The following OTOG variants were observed in gnomAD, a reference collection of about 807,000 sequenced individuals.
OTOG encodes otogelin.
OTOG carries 296 observed loss-of-function variants against 313.8 expected under a neutral mutation model. That is an observed-to-expected ratio of 0.94 (90% CI 0.86 to 1.04). The LOEUF (loss-of-function observed/expected upper bound fraction) is 1.04. Ranked by LOEUF, OTOG falls within the 50% of genes least tolerant of loss-of-function variation. The pLI is 0.00. For synonymous variants in OTOG, 1,533 were observed against 1,554.9 expected (o/e 0.99, Z 0.33); for missense variants, 3,948 against 3,840.1 (o/e 1.03, Z -0.74).
intron 15 of OTOG, among the ~76,000 whole-genome samples, chr11:17,567,893 CT>C: frequency 6.6e-6 from 1 of 150,952 alleles, no homozygotes; most frequent in East Asian, 2.0e-4. Flanking sequence ...GTTAGTAACA[CT>C]TTCTTTTCTT....
At chr11:17,567,448 A>C (rs1040337996) in intron 15 of OTOG, among the ~76,000 whole-genome samples, 6 of 152,240 alleles carry the variant, frequency 3.9e-5, no homozygotes, top group Non-Finnish European at 8.8e-5. Flanking sequence ...AAGTCTAAAA[A>C]TATTTCAAGG....
intron 15 of OTOG, among the ~76,000 whole-genome samples, chr11:17,566,493 T>C (rs1054107102): frequency 6.6e-6 from 1 of 152,170 alleles, no homozygotes; most frequent in African/African-American, 2.4e-5. Context: ...AGTATAAATA[T>C]TTCTCTATAA....
At position 17,555,802 on chromosome 11, in the gene OTOG, C is replaced by T. The variant is rs1355238102; in HGVS notation, c.564C>T (p.Gly188=). 3 of 1,550,536 alleles carry T rather than the reference C, an allele frequency of 1.9e-6. No homozygotes were observed. Among genetic ancestry groups the T allele is most frequent in the Admixed American group, 3.9e-5 (2 of 50,994 alleles). Reference sequence around the variant, plus strand: ...AGGTACACAATGACCCGCAGTGTGGCTCTTCACCCTACACCTGCTCCAGGG... The same window carrying T: ...AGGTACACAATGACCCGCAGTGTGGTTCTTCACCCTACACCTGCTCCAGGG... The part of the protein sequence containing the change: ...SIQVHNDPQC[G]SSPYTCSRAV... The change falls in exon 7 of 56, where the codon GGC becomes GGT. Residue 188 remains glycine (G), a synonymous_variant. Coordinates refer to ENST00000399397, the MANE Select transcript of OTOG (RefSeq NM_001292063.2).
rs1375072636 is a variant in OTOG at position 17,555,886 on chromosome 11, T to C, written c.648T>C (p.His216=). 4.5e-6 allele frequency: 7 copies of C among 1,550,746 alleles called. No individual in the cohort carries two copies. The highest frequency in any genetic ancestry group is 5.2e-6 in the Non-Finnish European group (6 of 1,146,852). The change falls in exon 7 of 56, where the codon CAT becomes CAC. Residue 216 remains histidine (H), a synonymous_variant. Coordinates refer to ENST00000399397, the MANE Select transcript of OTOG (RefSeq NM_001292063.2). ...TCCATCTGGCCAAGGAGGTCACCCA[T>C]GGAGGCATGAGGTAACTCTAACACC... The part of the protein sequence containing the change: ...QEIHLAKEVT[H]GGMRVQLPHV...
chr11:17,633,065 C>T lies in OTOG; in HGVS notation c.7073-615C>T, dbSNP rs577334178. ...TTTTATATAGAAGCGATTTTCAATC[C>T]TAAATACCCTTTGAAATCACTCAGA... On this transcript the variant is annotated intron_variant, in intron 42 of 55. Transcript: ENST00000399397. Among the ~76,000 whole-genome samples the T allele has an allele frequency of 1.1e-3, 168 of 152,264 alleles. 1 individual carries two copies. The highest frequency in any genetic ancestry group is 3.7e-3 in the African/African-American group (153 of 41,554).
In OTOG at chr11:17,591,459, G is replaced by A. The variant is rs1171698776; in HGVS notation, c.2877G>A (p.Gln959=). The A allele has an allele frequency of 3.2e-6, 5 of 1,550,748 alleles. No homozygotes were observed. Among genetic ancestry groups the A allele is most frequent in the Non-Finnish European group, 4.4e-6 (5 of 1,147,038 alleles). Residue 959 remains glutamine (Q), a synonymous_variant, in exon 25 of 56, where the codon CAG becomes CAA. Coordinates refer to ENST00000399397, the MANE Select transcript of OTOG (RefSeq NM_001292063.2). ...VMSPCHTCVC[Q]RGSFQCTLHP... ...GGCATGTGTTTTTCAGTGTGTGCCAGCGGGGCTCATTCCAGTGCACCCTGC... is the reference window on the plus strand; with the variant it reads ...GGCATGTGTTTTTCAGTGTGTGCCAACGGGGCTCATTCCAGTGCACCCTGC...
At chr11:17,643,542 C>T (rs1423764033) in intron 54 of OTOG, 36 bp downstream of exon 54, 3 of 1,354,716 alleles carry the variant, frequency 2.2e-6, no homozygotes, top group Non-Finnish European at 2.9e-6. Flanking sequence ...GGGTGGGGGG[C>T]TCTGATGGGG....
At chr11:17,617,627 A>G (rs1219726650) in intron 39 of OTOG, among the ~76,000 whole-genome samples, 2 of 152,248 alleles carry the variant, frequency 1.3e-5, no homozygotes, top group Non-Finnish European at 1.5e-5. Flanking sequence ...TATACTTTTA[A>G]TTTCTGTAGG....
chr11:17,570,242 G>C lies in OTOG; in HGVS notation c.1807G>C (p.Val603Leu), dbSNP rs1444071992. The C allele has an allele frequency of 2.6e-6, 4 of 1,550,846 alleles. No homozygotes were observed. Among genetic ancestry groups the C allele is most frequent in the Middle Eastern group, 1.7e-4 (1 of 5,996 alleles). The change falls in exon 17 of 56, where the codon GTG becomes CTG. Residue 603 changes from valine (V) to leucine (L), a missense_variant. By Grantham distance (32) the Val-to-Leu change is conservative. Coordinates refer to ENST00000399397, the MANE Select transcript of OTOG (RefSeq NM_001292063.2). ...DAFEIRRLSS[V>L]FLRVRTNVGV... Reference sequence around the variant, plus strand: ...CTTTGAGATCCGTAGGCTGTCCTCCGTGTTCCTGCGGGTGAGGACGAACGT... The same window carrying C: ...CTTTGAGATCCGTAGGCTGTCCTCCCTGTTCCTGCGGGTGAGGACGAACGT...
intron 17 of OTOG, chr11:17,570,730 T>C (rs1293113042): frequency 5.0e-6 from 1 of 199,960 alleles, no homozygotes; most frequent in Admixed American, 5.5e-5. Context: ...AATGCTGTTT[T>C]AGAATGAGGT....
chr11:17,568,756 A>G (rs1377065948), intron 15 of OTOG, among the ~76,000 whole-genome samples: 1 of 152,180 alleles, frequency 6.6e-6, no homozygotes, highest in Non-Finnish European at 1.5e-5. Flanking sequence ...AGTGGAGTGC[A>G]GGATGTGAAC....
In OTOG at chr11:17,561,150, C is replaced by G; in HGVS notation, c.1498+13C>G. The G allele has an allele frequency of 6.4e-7, 1 of 1,550,518 alleles. No individual in the cohort carries two copies. The highest frequency in any genetic ancestry group is 8.7e-7 in the Non-Finnish European group (1 of 1,146,950). On this transcript the variant is annotated intron_variant, in intron 14 of 55. Coordinates refer to ENST00000399397, the MANE Select transcript of OTOG (RefSeq NM_001292063.2). ...GCTGTCTGCCCAGGTATGTCTGCCC[C>G]CCACCTTGCACTAGGATCCCTTCTA... is the stretch of plus-strand genomic sequence containing the variant.
At chr11:17,637,974 C>G (rs1185321750) in intron 47 of OTOG, among the ~76,000 whole-genome samples, 1 of 152,190 alleles carries the variant, frequency 6.6e-6, no homozygotes, top group Non-Finnish European at 1.5e-5. Context: ...CTGAGGAATC[C>G]TGAACTGAGA....
rs1203478771 is a variant in OTOG, at chr11:17,560,720, G to A, written c.1354G>A (p.Glu452Lys). 1.5e-5 allele frequency: 24 copies of A among 1,550,404 alleles called. No homozygotes were observed. The highest frequency in any genetic ancestry group is 2.0e-5 in the Non-Finnish European group (23 of 1,146,920). ...TGCTGTCACTCTAGGGCTCATCTTCGAGGATGGGGGCTGCGTGGCACCAGC... is the reference window on the plus strand; with the variant it reads ...TGCTGTCACTCTAGGGCTCATCTTCAAGGATGGGGGCTGCGTGGCACCAGC... ...GCYCPNGLIF[E>K]DGGCVAPAEC... The change falls in exon 13 of 56, where the codon GAG (glutamate) becomes AAG (lysine). Residue 452 changes from glutamate (E) to lysine (K), a missense_variant. Glu to Lys is a moderately conservative substitution (Grantham distance 56). Coordinates refer to ENST00000399397, the MANE Select transcript of OTOG (RefSeq NM_001292063.2).
At chr11:17,580,137 A>G (rs1012207011) in intron 23 of OTOG, among the ~76,000 whole-genome samples, 1 of 152,304 alleles carries the variant, frequency 6.6e-6, no homozygotes, top group East Asian at 1.9e-4. Flanking sequence ...GCCCTTCTCA[A>G]TGATGTATCT....
intron 19 of OTOG, 67 bp from the exon 20 acceptor site, chr11:17,574,653 C>T (rs561844616): frequency 3.5e-6 from 5 of 1,412,594 alleles, no homozygotes; most frequent in African/African-American, 1.4e-5. Context: ...ATCAGAATGA[C>T]AGCCCCACTC....
intron 3 of OTOG, among the ~76,000 whole-genome samples, chr11:17,548,418 CTTTTTTTTTTTTTTT>C (rs56402246): frequency 0.013 from 1,111 of 87,518 alleles, 14 homozygotes; most frequent in Non-Finnish European, 0.017. Context: ...ATAGTCCACT[CTTTTTTTTTTTTTTT>C]TTTTTTTTTT....
At chr11:17,640,560 T>A (rs114209936) in intron 49 of OTOG, among the ~76,000 whole-genome samples, 185 bp from the exon 50 acceptor site, 1 of 152,154 alleles carries the variant, frequency 6.6e-6, no homozygotes, top group Non-Finnish European at 1.5e-5. Context: ...GTGCTCCTCA[T>A]TGGGGAGGCC....
intron 39 of OTOG, among the ~76,000 whole-genome samples, chr11:17,621,142 A>G (rs1426422006): frequency 6.6e-6 from 1 of 152,046 alleles, no homozygotes; most frequent in Non-Finnish European, 1.5e-5. Context: ...ATGCCTGACA[A>G]TGTTTTTAAA....
Sources: gnomAD v4.1 joint callset for allele counts (sites outside exome capture counted in the v4.1 genomes callset) on GRCh38, gnomAD v4.1.1 for gene constraint, MANE v1.5 for transcripts, NCBI Gene and HGNC (gene_info 2026-07-23, HGNC 2026-07-21) for gene names.